USP10: variants seen among roughly 807,000 people sequenced by gnomAD.
The protein encoded by USP10 is ubiquitin carboxyl-terminal hydrolase 10.
Under a neutral mutation model 84.5 loss-of-function variants are expected in USP10, and 22 were observed. The observed-to-expected ratio is 0.26, with a 90% CI of 0.19 to 0.37. The LOEUF is 0.37. USP10 is among the 10% of genes least tolerant of loss of function. The pLI is 1.00. For missense variants in USP10, 1,019 were observed against 998.9 expected (o/e 1.02, Z -0.27); for synonymous variants, 454 against 387.6 (o/e 1.17, Z -2.01).
chr16:84,740,465 C>A, intron 3 of USP10, 96 bp downstream of exon 3: 1 of 1,035,840 alleles, frequency 9.7e-7, no homozygotes. Flanking sequence ...TTTGAATAAA[C>A]ATTTCTTTGT....
At chr16:84,766,808 A>G (rs901518614) in intron 10 of USP10, among the ~76,000 whole-genome samples, 1 of 152,182 alleles carries the variant, frequency 6.6e-6, no homozygotes, top group Non-Finnish European at 1.5e-5. Flanking sequence ...GGTAAAGCAA[A>G]GATAGGGAAT....
intron 1 of USP10, among the ~76,000 whole-genome samples, chr16:84,725,505 A>G (rs1020692798): frequency 2.0e-5 from 3 of 152,064 alleles, no homozygotes; most frequent in Non-Finnish European, 4.4e-5. Flanking sequence ...GGTTCAAGCA[A>G]TTCTCCTGCC....
At position 84,778,923 on chromosome 16, in the gene USP10, G is replaced by A. The variant is rs374549096; in HGVS notation, c.2238G>A (p.Thr746=). 3.6e-4 allele frequency: 581 copies of A among 1,613,834 alleles called. 4 individuals are homozygous for A. The South Asian group carries it at 4.5e-3, about 13-fold the overall frequency. Residue 746 remains threonine, a synonymous_variant, in exon 14 of 14, where the codon ACG becomes ACA. Coordinates refer to ENST00000219473, the MANE Select transcript of USP10 (RefSeq NM_005153.3). ...AVVYHHGNSA[T]GGHYTTDVFQ... ...TCTACCATCACGGCAACAGTGCGAC[G>A]GGCGGCCATTACACTACAGACGTCT...
At chr16:84,765,166 T>C (rs1318837964) in intron 10 of USP10, among the ~76,000 whole-genome samples, 2 of 151,906 alleles carry the variant, frequency 1.3e-5, no homozygotes, top group African/African-American at 4.8e-5. Flanking sequence ...ATTGTGTATA[T>C]TTAAAGTATA....
intron 4 of USP10, among the ~76,000 whole-genome samples, chr16:84,758,061 A>G (rs1912791063): frequency 6.6e-6 from 1 of 152,252 alleles, no homozygotes; most frequent in Non-Finnish European, 1.5e-5. Flanking sequence ...ATACACAGAA[A>G]GAGTGATGTC....
Position 84,718,101 on chromosome 16 carries a change from G to A in USP10, c.22-15334G>A, listed in dbSNP as rs116961138. On this transcript the variant is annotated intron_variant, in intron 1 of 13. Coordinates refer to ENST00000219473, the MANE Select transcript of USP10 (RefSeq NM_005153.3). ...GCTTCAGAGAACTTGACTACATTGCGAAGGGAAAATCTTGGATTGGAAGGT... is the reference window on the plus strand; with the variant it reads ...GCTTCAGAGAACTTGACTACATTGCAAAGGGAAAATCTTGGATTGGAAGGT... 1.7e-3 allele frequency among the ~76,000 whole-genome samples: 258 copies of A among 152,312 alleles called. 3 individuals carry two copies. The East Asian group carries it at 0.021, about 13-fold the overall frequency.
chr16:84,778,277 A>T (rs996031163), intron 13 of USP10, among the ~76,000 whole-genome samples: 5 of 152,094 alleles, frequency 3.3e-5, no homozygotes, highest in African/African-American at 1.2e-4. Flanking sequence ...GCACCGGGAG[A>T]TTGTGTCCCG....
intron 1 of USP10, among the ~76,000 whole-genome samples, chr16:84,719,506 G>A (rs1907505949): frequency 6.6e-6 from 1 of 152,246 alleles, no homozygotes; most frequent in Admixed American, 6.5e-5. Flanking sequence ...GCCTGAGGAT[G>A]CTCTGATTCT....
At chr16:84,715,259 T>C (rs896926910) in intron 1 of USP10, among the ~76,000 whole-genome samples, 3 of 152,166 alleles carry the variant, frequency 2.0e-5, no homozygotes, top group Non-Finnish European at 2.9e-5. Flanking sequence ...AGCTGACTTA[T>C]GTTTGGTGAA....
chr16:84,716,110 C>G (rs1306723352), intron 1 of USP10: 1 of 152,334 alleles, frequency 6.6e-6, no homozygotes, highest in East Asian at 1.9e-4. Context: ...TGGGTGACTA[C>G]TATCCCACAG....
At chr16:84,749,783 A>C (rs1271385071) in intron 4 of USP10, among the ~76,000 whole-genome samples, 1 of 152,194 alleles carries the variant, frequency 6.6e-6, no homozygotes, top group African/African-American at 2.4e-5. Flanking sequence ...TTTGAAGTGA[A>C]ATACATTAAA....
At chr16:84,726,963 G>A (rs986078105) in intron 1 of USP10, among the ~76,000 whole-genome samples, 1 of 152,184 alleles carries the variant, frequency 6.6e-6, no homozygotes, top group African/African-American at 2.4e-5. Context: ...GAAACCTTAG[G>A]GGGCTTCCCA....
At chr16:84,772,768 A>C in intron 12 of USP10, 83 bp downstream of exon 12, 1 of 1,532,878 alleles carries the variant, frequency 6.5e-7, no homozygotes, top group Non-Finnish European at 8.9e-7. Context: ...TTTCTTTATG[A>C]TGTCAAGAGT....
chr16:84,747,630 C>G (rs1219046078), intron 4 of USP10, among the ~76,000 whole-genome samples: 1 of 123,506 alleles, frequency 8.1e-6, no homozygotes, highest in Non-Finnish European at 1.6e-5. Context: ...GAGGCACGAT[C>G]TTGGCTCACT....
At chr16:84,722,941 G>GA (rs1228219096) in intron 1 of USP10, among the ~76,000 whole-genome samples, 1 of 152,168 alleles carries the variant, frequency 6.6e-6, no homozygotes, top group East Asian at 1.9e-4. Flanking sequence ...ACAGCAAAGT[G>GA]AAACTGAGTA....
intron 1 of USP10, among the ~76,000 whole-genome samples, chr16:84,732,013 A>G (rs1017057912): frequency 6.6e-6 from 1 of 152,126 alleles, no homozygotes; most frequent in Non-Finnish European, 1.5e-5. Context: ...TCAATACATA[A>G]TTTCTTTGTT....
chr16:84,761,756 C>G (rs1363940846), intron 8 of USP10, among the ~76,000 whole-genome samples: 1 of 152,274 alleles, frequency 6.6e-6, no homozygotes, highest in Non-Finnish European at 1.5e-5. Context: ...TAGGCAGAAT[C>G]CCGTATCAGT....
intron 1 of USP10, among the ~76,000 whole-genome samples, chr16:84,708,716 A>AT (rs1905877311): frequency 6.6e-6 from 1 of 152,254 alleles, no homozygotes; most frequent in African/African-American, 2.4e-5. Context: ...CTCCTGAGAG[A>AT]TAACCACATT....
chr16:84,771,378 C>G (rs1597401731), intron 11 of USP10, among the ~76,000 whole-genome samples: 1 of 152,024 alleles, frequency 6.6e-6, no homozygotes, highest in African/African-American at 2.4e-5. Flanking sequence ...GGCTGTAGTC[C>G]CAGCTACTTG....
Sources: allele counts gnomAD v4.1 joint callset (sites outside exome capture counted in the v4.1 genomes callset), GRCh38; gene constraint gnomAD v4.1.1; transcripts MANE v1.5; gene names NCBI Gene and HGNC (gene_info 2026-07-23, HGNC 2026-07-21).